Variants in SEMA5B observed in about 807,000 individuals in gnomAD.
SEMA5B encodes semaphorin 5B, also known as semaphorin-5B.
Under a neutral mutation model 135.0 loss-of-function variants are expected in SEMA5B, and 66 were observed. That is an observed-to-expected ratio of 0.49 (90% confidence interval 0.40 to 0.60). The LOEUF is 0.60. SEMA5B is among the 20% of genes least tolerant of loss of function. The pLI is 0.00. For missense variants in SEMA5B, 1,501 were observed against 1,566.3 expected (o/e 0.96, Z 0.70); for synonymous variants, 690 against 639.5 (o/e 1.08, Z -1.19).
chr3:122,953,640 G>A (rs1008726429), intron 2 of SEMA5B, among the ~76,000 whole-genome samples: 4 of 152,202 alleles, frequency 2.6e-5, no homozygotes, highest in African/African-American at 9.7e-5. Flanking sequence ...CGCTCCAGGT[G>A]AGGCAAGAGC....
chr3:122,929,994 C>T (rs1193741379), intron 5 of SEMA5B, among the ~76,000 whole-genome samples: 2 of 152,196 alleles, frequency 1.3e-5, no homozygotes, highest in Non-Finnish European at 2.9e-5. Flanking sequence ...TTATATATTT[C>T]TGGGTCACGT....
At chr3:122,927,394 T>C (rs1938697858) in intron 8 of SEMA5B, among the ~76,000 whole-genome samples, 1 of 152,212 alleles carries the variant, frequency 6.6e-6, no homozygotes, top group South Asian at 2.1e-4. Flanking sequence ...GGTCTTGCTA[T>C]GTTGCCCACG....
chr3:122,968,815 T>C (rs537558021), intron 1 of SEMA5B, among the ~76,000 whole-genome samples: 1 of 147,646 alleles, frequency 6.8e-6, no homozygotes, highest in Non-Finnish European at 1.5e-5. Flanking sequence ...TTCTGCCACA[T>C]GAGCCAACAT....
At chr3:122,994,116 C>T (rs996449682) in intron 1 of SEMA5B, among the ~76,000 whole-genome samples, 24 of 152,028 alleles carry the variant, frequency 1.6e-4, no homozygotes, top group African/African-American at 5.1e-4. Flanking sequence ...CCACTACAGC[C>T]CGACTTCCTC....
intron 3 of SEMA5B, among the ~76,000 whole-genome samples, chr3:122,944,748 G>A (rs770259361): frequency 2.8e-4 from 42 of 152,132 alleles, no homozygotes; most frequent in Non-Finnish European, 4.4e-5. Flanking sequence ...CAGCTGACTC[G>A]CCCGGTTTCC....
intron 2 of SEMA5B, among the ~76,000 whole-genome samples, chr3:122,951,295 T>C (rs1017279196): frequency 1.3e-5 from 2 of 152,230 alleles, no homozygotes; most frequent in African/African-American, 2.4e-5. Flanking sequence ...TATATTAGCA[T>C]TGATATACAC....
At chr3:122,992,075 G>T (rs1278829305) in intron 1 of SEMA5B, among the ~76,000 whole-genome samples, 1 of 152,132 alleles carries the variant, frequency 6.6e-6, no homozygotes, top group Non-Finnish European at 1.5e-5. Context: ...TGATGGGTAG[G>T]CAGGGGTCCA....
intron 1 of SEMA5B, among the ~76,000 whole-genome samples, chr3:123,014,562 C>T (rs764516395): frequency 6.6e-5 from 10 of 152,188 alleles, no homozygotes; most frequent in Non-Finnish European, 1.5e-4. Flanking sequence ...GGATCCTGGC[C>T]GCCTGCAGGG....
chr3:123,027,033 C>CT (rs1560460476), intron 1 of SEMA5B: 1 of 152,430 alleles, frequency 6.6e-6, no homozygotes, highest in African/African-American at 2.4e-5. Context: ...CCACGCGCCT[C>CT]GCCGCCCGCA....
At chr3:122,949,918 T>C (rs1939970145) in intron 2 of SEMA5B, among the ~76,000 whole-genome samples, 1 of 152,152 alleles carries the variant, frequency 6.6e-6, no homozygotes, top group Non-Finnish European at 1.5e-5. Context: ...CAAATTATCC[T>C]TTAAATTTTG....
intron 1 of SEMA5B, among the ~76,000 whole-genome samples, chr3:122,964,751 T>G (rs890015345): frequency 6.6e-6 from 1 of 152,156 alleles, no homozygotes; most frequent in African/African-American, 2.4e-5. Context: ...TTCTTTAGCT[T>G]CAAACTCAAG....
chr3:122,922,182 C>G, intron 11 of SEMA5B, 58 bp downstream of exon 11: 1 of 1,568,958 alleles, frequency 6.4e-7, no homozygotes, highest in Non-Finnish European at 8.7e-7. Context: ...CTTGCAGCCC[C>G]GCGCCGTCCC....
At chr3:123,002,859 C>T (rs189458678) in intron 1 of SEMA5B, among the ~76,000 whole-genome samples, 1 of 151,974 alleles carries the variant, frequency 6.6e-6, no homozygotes, top group Non-Finnish European at 1.5e-5. Context: ...ACACACAGTC[C>T]TTTGGTTTTC....
intron 1 of SEMA5B, among the ~76,000 whole-genome samples, chr3:123,021,176 G>A (rs1942665849): frequency 1.3e-5 from 2 of 152,304 alleles, no homozygotes; most frequent in Non-Finnish European, 2.9e-5. Context: ...CCGGATCCCG[G>A]GAAATCTGCA....
chr3:122,915,498 G>A lies in SEMA5B; in HGVS notation c.1930C>T (p.Pro644Ser), dbSNP rs1289811716. 6.2e-7 allele frequency: 1 copy of A among 1,613,976 alleles called. No homozygotes were observed. The highest frequency in any genetic ancestry group is 1.7e-5 in the Admixed American group (1 of 60,012). Residue 644 changes from proline to serine, a missense_variant, in exon 14 of 23, where the codon CCC becomes TCC. Pro to Ser is a moderately conservative substitution (Grantham distance 74). Coordinates refer to ENST00000357599, the MANE Select transcript of SEMA5B (RefSeq NM_001031702.4). ...CRARSCDSPR[P>S]RCGGLDCLGP... ...AGGCAGTCAAGGCCCCCACAGCGGGGTCGAGGGGAATCACAGGATCGAGCT... is the reference window on the plus strand; with the variant it reads ...AGGCAGTCAAGGCCCCCACAGCGGGATCGAGGGGAATCACAGGATCGAGCT...
chr3:122,997,130 G>A (rs1942041017), intron 1 of SEMA5B, among the ~76,000 whole-genome samples: 1 of 152,130 alleles, frequency 6.6e-6, no homozygotes, highest in Non-Finnish European at 1.5e-5. Context: ...TTTGTAAACT[G>A]CCCTTTACCC....
intron 2 of SEMA5B, among the ~76,000 whole-genome samples, chr3:122,950,192 C>G (rs999225125): frequency 6.6e-6 from 1 of 152,214 alleles, no homozygotes; most frequent in African/African-American, 2.4e-5. Context: ...TCACTCATAA[C>G]AAGAGCAACA....
chr3:122,988,669 G>T (rs1941772696), intron 1 of SEMA5B, among the ~76,000 whole-genome samples: 2 of 152,214 alleles, frequency 1.3e-5, no homozygotes, highest in South Asian at 4.1e-4. Context: ...TTCCAGCTGT[G>T]ACTTGACCTC....
chr3:122,977,509 A>T (rs1367382427), intron 1 of SEMA5B, among the ~76,000 whole-genome samples: 1 of 152,148 alleles, frequency 6.6e-6, no homozygotes, highest in Non-Finnish European at 1.5e-5. Context: ...TCTTATGGAG[A>T]GCATCAGGAT....
Sources: allele counts gnomAD v4.1 joint callset (sites outside exome capture counted in the v4.1 genomes callset), GRCh38; gene constraint gnomAD v4.1.1; transcripts MANE v1.5; gene names NCBI Gene and HGNC (gene_info 2026-07-23, HGNC 2026-07-21).